ATP11A: variants seen among roughly 807,000 people sequenced by gnomAD.
ATP11A encodes the protein phospholipid-transporting ATPase IH.
In ATP11A, 81 loss-of-function variants were observed where a neutral mutation model predicts 154.4. That is an observed-to-expected ratio of 0.52 (90% CI 0.44 to 0.63). The LOEUF (loss-of-function observed/expected upper bound fraction) is 0.63. Ranked by LOEUF, ATP11A falls within the 30% of genes least tolerant of loss-of-function variation. The pLI is 0.00. For missense variants in ATP11A, 1,316 were observed against 1,474.3 expected (o/e 0.89, Z 1.76); for synonymous variants, 623 against 585.9 (o/e 1.06, Z -0.91).
At chr13:112,734,249 T>A (rs1208466656) in intron 1 of ATP11A, among the ~76,000 whole-genome samples, 2 of 151,974 alleles carry the variant, frequency 1.3e-5, no homozygotes, top group African/African-American at 4.8e-5. Context: ...TGGCTTTTAA[T>A]TGGTGCTGGG....
chr13:112,858,999 G>A (rs547709353), intron 22 of ATP11A: 22 of 273,404 alleles, frequency 8.0e-5, no homozygotes, highest in African/African-American at 2.7e-4. Context: ...GCCGTGCCGC[G>A]GGAGGAGACC....
chr13:112,713,071 C>T (rs1887950933), intron 1 of ATP11A, among the ~76,000 whole-genome samples: 1 of 152,250 alleles, frequency 6.6e-6, no homozygotes, highest in South Asian at 2.1e-4. Context: ...AGCAGCTACA[C>T]ATCCATCCAT....
At chr13:112,812,229 ACGT>A (rs2078521538) in intron 5 of ATP11A, 1 of 152,212 alleles carries the variant, frequency 6.6e-6, no homozygotes, top group Non-Finnish European at 1.5e-5. Flanking sequence ...GTGGTTTTTC[ACGT>A]TTGTGTCAAG....
intron 1 of ATP11A, among the ~76,000 whole-genome samples, chr13:112,695,559 G>T (rs2139455589): frequency 1.3e-5 from 2 of 152,298 alleles, no homozygotes; most frequent in Middle Eastern, 6.8e-3. Flanking sequence ...GCCAGGGAGT[G>T]AATTTAATAA....
Position 112,785,368 on chromosome 13 carries a change from A to C in ATP11A, c.162+111A>C. ...GCTCTGCTCCTGGCCCTGCTGTCAC[A>C]GCCACCAGCCACCCCCAGCAAGGGC... On this transcript the variant is annotated intron_variant, in intron 2 of 29. Coordinates refer to ENST00000375645, the MANE Select transcript of ATP11A (RefSeq NM_015205.3). The surrounding 1 kb of genome is among the most constrained non-coding windows in gnomAD (Gnocchi z 4.8). 8.2e-7 allele frequency: 1 copy of C among 1,216,668 alleles called. No individual in the cohort carries two copies. The highest frequency in any genetic ancestry group is 1.1e-6 in the Non-Finnish European group (1 of 940,128). 75.4% of individuals were successfully genotyped at this position (1,216,668 alleles called of 1,614,324 possible).
chr13:112,788,007 C>A (rs942413903), intron 2 of ATP11A, among the ~76,000 whole-genome samples: 2 of 150,512 alleles, frequency 1.3e-5, no homozygotes, highest in African/African-American at 4.9e-5. Flanking sequence ...TGTGTAGACC[C>A]CTGTGGAGAC....
chr13:112,761,149 C>T (rs975145734), intron 1 of ATP11A, among the ~76,000 whole-genome samples: 3 of 152,276 alleles, frequency 2.0e-5, no homozygotes, highest in Admixed American at 6.5e-5. Context: ...TTATCAGATC[C>T]GTGGTCCAGG....
intron 2 of ATP11A, among the ~76,000 whole-genome samples, chr13:112,793,510 C>T (rs1008610749): frequency 1.3e-5 from 2 of 152,184 alleles, no homozygotes; most frequent in Non-Finnish European, 2.9e-5. Flanking sequence ...TCCAGGGGCA[C>T]GTTTCTTAAC....
chr13:112,783,530 G>A (rs1442412062), intron 1 of ATP11A, among the ~76,000 whole-genome samples: 1 of 152,264 alleles, frequency 6.6e-6, no homozygotes, highest in Admixed American at 6.5e-5. Context: ...GCAGCCAAGG[G>A]TCAGCCCTTC....
At chr13:112,818,004 G>A (rs2078689756) in intron 6 of ATP11A, among the ~76,000 whole-genome samples, 1 of 152,212 alleles carries the variant, frequency 6.6e-6, no homozygotes, top group African/African-American at 2.4e-5. Context: ...TCTCTCAGGG[G>A]CTCTTGTGAG....
intron 1 of ATP11A, among the ~76,000 whole-genome samples, chr13:112,767,919 G>A (rs1484256518): frequency 6.6e-6 from 1 of 152,130 alleles, no homozygotes; most frequent in African/African-American, 2.4e-5. Context: ...TTTCGCTGCT[G>A]GCTGGGGAAC....
chr13:112,745,345 G>C (rs753865855), intron 1 of ATP11A: 1 of 152,238 alleles, frequency 6.6e-6, no homozygotes, highest in Non-Finnish European at 1.5e-5. Context: ...GATTACAGGC[G>C]TGAGCCACCG....
intron 1 of ATP11A, among the ~76,000 whole-genome samples, chr13:112,694,736 A>G (rs1213990698): frequency 2.0e-5 from 3 of 152,008 alleles, no homozygotes; most frequent in Non-Finnish European, 2.9e-5. Flanking sequence ...GCTTGTTTCT[A>G]CCTTACCATT....
chr13:112,831,707 G>A (rs77456911), intron 13 of ATP11A, among the ~76,000 whole-genome samples, 159 bp downstream of exon 13: 1,880 of 152,290 alleles, frequency 0.012, 29 homozygotes, highest in African/African-American at 0.043. Context: ...GTGGTGTCCC[G>A]TTAGGACACA....
intron 1 of ATP11A, among the ~76,000 whole-genome samples, chr13:112,748,131 G>C (rs1892387203): frequency 6.6e-6 from 1 of 152,210 alleles, no homozygotes; most frequent in Non-Finnish European, 1.5e-5. Context: ...TTTGTGTTTA[G>C]ATTTGGGTCT....
At chr13:112,795,685 T>C (rs542490275) in intron 2 of ATP11A, among the ~76,000 whole-genome samples, 3 of 152,388 alleles carry the variant, frequency 2.0e-5, no homozygotes, top group Admixed American at 2.0e-4. Context: ...TGCTGGAAAG[T>C]AAGACTGGCC....
intron 2 of ATP11A, among the ~76,000 whole-genome samples, chr13:112,798,571 G>A (rs912174891): frequency 1.3e-5 from 2 of 152,234 alleles, no homozygotes; most frequent in Admixed American, 6.5e-5. Context: ...ATGCTGTTGC[G>A]AGGAATCTGC....
chr13:112,810,843 G>A, intron 5 of ATP11A, 117 bp downstream of exon 5: 2 of 864,416 alleles, frequency 2.3e-6, no homozygotes, highest in Non-Finnish European at 1.8e-6. Flanking sequence ...GGCTGAGGCA[G>A]GAGGATCGCT....
At chr13:112,833,315 G>A (rs1483560549) in intron 14 of ATP11A, among the ~76,000 whole-genome samples, 1 of 152,098 alleles carries the variant, frequency 6.6e-6, no homozygotes, top group Non-Finnish European at 1.5e-5. Flanking sequence ...AATAACCACA[G>A]GCTTCAAAAT....
Sources: gnomAD v4.1 joint callset for allele counts (sites outside exome capture counted in the v4.1 genomes callset) on GRCh38, gnomAD v4.1.1 for gene constraint, Gnocchi (gnomAD v3.1) non-coding constraint, MANE v1.5 for transcripts, NCBI Gene and HGNC (gene_info 2026-07-23, HGNC 2026-07-21) for gene names.